AGBL1: variants seen among roughly 807,000 people sequenced by gnomAD.
AGBL1 encodes the protein AGBL carboxypeptidase 1, also known as cytosolic carboxypeptidase 4.
In AGBL1, 130 loss-of-function variants were observed where a neutral mutation model predicts 118.9. That is an observed-to-expected ratio of 1.09 (90% CI 0.95 to 1.26). The LOEUF (loss-of-function observed/expected upper bound fraction) is 1.26. Ranked by LOEUF, AGBL1 falls within the 50% of genes most tolerant of loss-of-function variation. The pLI is 0.00. For missense variants in AGBL1, 1,584 were observed against 1,298.1 expected (o/e 1.22, Z -3.38); for synonymous variants, 555 against 478.9 (o/e 1.16, Z -2.08).
At chr15:86,703,800 G>A (rs1283913256) in intron 22 of AGBL1, among the ~76,000 whole-genome samples, 1 of 152,072 alleles carries the variant, frequency 6.6e-6, no homozygotes, top group Non-Finnish European at 1.5e-5. Flanking sequence ...ATGATTGTGA[G>A]GCCTCCCTGC....
chr15:86,833,007 T>C (rs1433768809), intron 22 of AGBL1, among the ~76,000 whole-genome samples: 2 of 152,160 alleles, frequency 1.3e-5, no homozygotes, highest in Admixed American at 6.5e-5. Context: ...AGTCATGTCT[T>C]ACAAGGCAGC....
chr15:86,949,144 G>C (rs2080853823), intron 23 of AGBL1, among the ~76,000 whole-genome samples: 1 of 152,036 alleles, frequency 6.6e-6, no homozygotes, highest in Admixed American at 6.6e-5. Context: ...AATAATGGCA[G>C]ATAATTTTCT....
chr15:86,827,674 G>T (rs1030851074), intron 22 of AGBL1, among the ~76,000 whole-genome samples: 2 of 145,170 alleles, frequency 1.4e-5, no homozygotes, highest in East Asian at 2.1e-4. Context: ...CTCCCTTTCA[G>T]CTAAGATACA....
intron 22 of AGBL1, among the ~76,000 whole-genome samples, chr15:86,686,512 A>G (rs1423588066): frequency 7.2e-6 from 1 of 139,728 alleles, no homozygotes. Flanking sequence ...ATCTCGGCTC[A>G]CTGCAACCTC....
At chr15:86,601,402 T>C (rs912541321) in intron 21 of AGBL1, among the ~76,000 whole-genome samples, 1 of 152,174 alleles carries the variant, frequency 6.6e-6, no homozygotes, top group African/African-American at 2.4e-5. Flanking sequence ...TTGCATTTGT[T>C]GGAAATATTC....
At chr15:86,878,936 C>T (rs879341818) in intron 22 of AGBL1, among the ~76,000 whole-genome samples, 1 of 152,198 alleles carries the variant, frequency 6.6e-6, no homozygotes, top group Non-Finnish European at 1.5e-5. Flanking sequence ...AGCAGCTGGT[C>T]CCCGCCTGAA....
chr15:86,800,843 A>G (rs1428399818), intron 22 of AGBL1, among the ~76,000 whole-genome samples: 1 of 152,180 alleles, frequency 6.6e-6, no homozygotes, highest in Non-Finnish European at 1.5e-5. Flanking sequence ...ACTGGCCCAA[A>G]AAAGAGAACT....
chr15:86,788,385 T>C (rs568590907), intron 22 of AGBL1, among the ~76,000 whole-genome samples: 1 of 152,344 alleles, frequency 6.6e-6, no homozygotes, highest in East Asian at 1.9e-4. Flanking sequence ...GAACTTGACC[T>C]TCAAGAGATT....
At chr15:86,353,385 C>T (rs1458552818) in intron 17 of AGBL1, among the ~76,000 whole-genome samples, 3 of 152,124 alleles carry the variant, frequency 2.0e-5, no homozygotes, top group Non-Finnish European at 2.9e-5. Flanking sequence ...TTCTTAATAG[C>T]GAGGATGTAT....
At chr15:86,825,706 A>AGGGG in intron 22 of AGBL1, among the ~76,000 whole-genome samples, 1 of 145,116 alleles carries the variant, frequency 6.9e-6, no homozygotes, top group South Asian at 2.3e-4. Flanking sequence ...GGAGGGAGGG[A>AGGGG]GAAAGCGAGA....
At chr15:86,164,694 G>C (rs2077313221) in intron 5 of AGBL1, among the ~76,000 whole-genome samples, 1 of 152,170 alleles carries the variant, frequency 6.6e-6, no homozygotes, top group Non-Finnish European at 1.5e-5. Flanking sequence ...TGTCTTCCAG[G>C]ATTTTAAACT....
At chr15:86,697,361 T>G (rs1416729619) in intron 22 of AGBL1, among the ~76,000 whole-genome samples, 1 of 151,912 alleles carries the variant, frequency 6.6e-6, no homozygotes, top group African/African-American at 2.4e-5. Context: ...TCTGAATTCC[T>G]TTCTTTTGCT....
At chr15:86,916,500 C>T (rs191914473), downstream of AGBL1, among the ~76,000 whole-genome samples, 89 of 152,236 alleles carry the variant, frequency 5.8e-4, no homozygotes, top group African/African-American at 2.1e-3. Flanking sequence ...ATGGATCAGG[C>T]ACTCTGGTCT....
intron 17 of AGBL1, among the ~76,000 whole-genome samples, chr15:86,297,392 T>G (rs890546208): frequency 1.3e-5 from 2 of 152,228 alleles, no homozygotes; most frequent in African/African-American, 4.8e-5. Context: ...ACCTATACAT[T>G]TGCAGAGCTC....
intron 21 of AGBL1, among the ~76,000 whole-genome samples, chr15:86,586,107 A>G (rs922609704): frequency 5.3e-5 from 8 of 152,192 alleles, no homozygotes; most frequent in Non-Finnish European, 1.0e-4. Flanking sequence ...CTCATCTGAG[A>G]GATAATGCTT....
intron 22 of AGBL1, among the ~76,000 whole-genome samples, chr15:86,871,873 G>T (rs1219184993): frequency 1.3e-5 from 2 of 152,234 alleles, no homozygotes; most frequent in Middle Eastern, 3.4e-3. Context: ...TAAAATGATT[G>T]GTTGAATTAT....
At chr15:86,854,396 A>G (rs1466548748) in intron 22 of AGBL1, among the ~76,000 whole-genome samples, 1 of 152,132 alleles carries the variant, frequency 6.6e-6, no homozygotes, top group Non-Finnish European at 1.5e-5. Flanking sequence ...ACACAAACAG[A>G]TGAGGTGAAC....
intron 5 of AGBL1, among the ~76,000 whole-genome samples, chr15:86,212,233 T>C (rs983792077): frequency 5.9e-5 from 9 of 152,252 alleles, no homozygotes; most frequent in African/African-American, 2.2e-4. Context: ...TTATATTTGC[T>C]GTCCTCAAAG....
At chr15:86,411,485 G>A (rs1327087399) in intron 18 of AGBL1, among the ~76,000 whole-genome samples, 1 of 152,116 alleles carries the variant, frequency 6.6e-6, no homozygotes, top group Non-Finnish European at 1.5e-5. Flanking sequence ...TGATAATGCA[G>A]ATCCACCTCC....
Sources: allele counts gnomAD v4.1 joint callset (sites outside exome capture counted in the v4.1 genomes callset), GRCh38; gene constraint gnomAD v4.1.1; transcripts MANE v1.5; gene names NCBI Gene and HGNC (gene_info 2026-07-23, HGNC 2026-07-21).